The following PCBP3 variants were observed in gnomAD, a reference collection of about 807,000 sequenced individuals.
PCBP3 encodes the protein poly(rC) binding protein 3, also known as poly(rC)-binding protein 3.
Under a neutral mutation model 52.7 loss-of-function variants are expected in PCBP3, and 25 were observed. The ratio of observed to expected loss-of-function variants is 0.47; its 90% CI spans 0.35 to 0.66. PCBP3 has a LOEUF of 0.66. Among genes scored for constraint, PCBP3 ranks in the 30% least tolerant of loss-of-function variants. The pLI, the probability that PCBP3 is intolerant of heterozygous loss-of-function variation, is 0.01. For missense variants in PCBP3, 391 were observed against 490.3 expected (o/e 0.80, Z 1.91); for synonymous variants, 162 against 183.0 (o/e 0.89, Z 0.93).
At position 45,735,419 on chromosome 21, in the gene PCBP3, C is replaced by T. The variant is rs1193994745; in HGVS notation, c.-172C>T. On this transcript the variant is annotated 5_prime_UTR_variant, in exon 3 of 18. It adds an upstream start codon to the 5' untranslated region. Transcript: ENST00000681687. The surrounding 1 kb of genome is among the most constrained non-coding windows in gnomAD (Gnocchi z 4.0). The stretch of plus-strand genomic sequence containing the variant: ...CTGTCTACAAGAGAGAAGCTCCCCA[C>T]GTGGTTCCGTGTAAGTAGTGCTTCT... 1 of 152,104 alleles carries T rather than the reference C, an allele frequency of 6.6e-6. No homozygotes were observed. Among genetic ancestry groups the T allele is most frequent in the Non-Finnish European group, 1.5e-5 (1 of 68,016 alleles). The allele number at this position is 152,104 out of a possible 1,614,324, so 9.4% of individuals were successfully genotyped here.
At chr21:45,874,005 C>T (rs1458765505) in intron 5 of PCBP3, among the ~76,000 whole-genome samples, 1 of 152,254 alleles carries the variant, frequency 6.6e-6, no homozygotes, top group Non-Finnish European at 1.5e-5. Context: ...CCGCCTCAGC[C>T]TGCCTAAGTG....
chr21:45,911,694 C>T (rs903804628), intron 11 of PCBP3, among the ~76,000 whole-genome samples: 10 of 152,152 alleles, frequency 6.6e-5, no homozygotes, highest in African/African-American at 2.4e-4. Flanking sequence ...GAAGAAGCCT[C>T]GCCCCAGATG....
At chr21:45,722,573 T>G (rs1708959270) in intron 2 of PCBP3, among the ~76,000 whole-genome samples, 1 of 152,206 alleles carries the variant, frequency 6.6e-6, no homozygotes, top group Non-Finnish European at 1.5e-5. Context: ...ATAGACAAAT[T>G]TCTTTGACTA....
intron 2 of PCBP3, among the ~76,000 whole-genome samples, chr21:45,726,479 C>G (rs1480175112): frequency 2.6e-5 from 4 of 152,108 alleles, no homozygotes; most frequent in Admixed American, 2.6e-4. Flanking sequence ...CCTGGGTGCT[C>G]ATGCCCCAGA....
At chr21:45,753,127 C>CAAAAAAAAA (rs55924687) in intron 3 of PCBP3, 1 of 44,768 alleles carries the variant, frequency 2.2e-5, no homozygotes, top group African/African-American at 9.5e-5. Flanking sequence ...ACCCCGTCTC[C>CAAAAAAAAA]AAAAAAAAAA....
intron 2 of PCBP3, among the ~76,000 whole-genome samples, chr21:45,687,397 A>T (rs2082216540): frequency 6.6e-6 from 1 of 152,216 alleles, no homozygotes; most frequent in Admixed American, 6.5e-5. Context: ...AAAAAGAAAA[A>T]TCCACTATGA....
rs2093401191 is a variant in PCBP3 at position 45,829,769 on chromosome 21, C to G, written c.-125-20192C>G. 1 of 152,386 alleles carries G rather than the reference C, an allele frequency of 6.6e-6. No homozygotes were observed. The highest frequency in any genetic ancestry group is 1.5e-5 in the Non-Finnish European group (1 of 68,132). The allele number at this position is 152,386 out of a possible 1,614,324, so 9.4% of individuals were successfully genotyped here. On this transcript the variant is annotated intron_variant, in intron 4 of 17. Coordinates refer to ENST00000681687, the MANE Select transcript of PCBP3 (RefSeq NM_001384156.1). This position sits in a 1 kb window ranked among gnomAD's most constrained non-coding sequence, Gnocchi z 5.2. ...CCCAGGCACCCTGCAGGGCCCTCCC[C>G]ACCTGCCCCCCAGGCTCATACATTT...
chr21:45,801,232 G>T (rs963467498), intron 4 of PCBP3, among the ~76,000 whole-genome samples: 2 of 152,196 alleles, frequency 1.3e-5, no homozygotes, highest in Admixed American at 6.5e-5. Context: ...TGTTCTGATG[G>T]CCAGCCTTGT....
chr21:45,741,412 C>T lies in PCBP3; in HGVS notation c.-162+5983C>T, dbSNP rs1400796552. ...GAGTCCTGGAAAGTGGGGAGGAGGG[C>T]GAGGTAGGGGCTCAGGAGAGTCAGT... On this transcript the variant is annotated intron_variant, in intron 3 of 17. Coordinates refer to ENST00000681687, the MANE Select transcript of PCBP3 (RefSeq NM_001384156.1). The surrounding 1 kb of genome is among the most constrained non-coding windows in gnomAD (Gnocchi z 4.5). Among the ~76,000 whole-genome samples, 1 of 152,012 alleles carries T rather than the reference C, an allele frequency of 6.6e-6. No individual in the cohort carries two copies. The highest frequency in any genetic ancestry group is 1.5e-5 in the Non-Finnish European group (1 of 67,984).
chr21:45,800,039 C>G lies in PCBP3; in HGVS notation c.-126+44587C>G, dbSNP rs1182925855. On this transcript the variant is annotated intron_variant, in intron 4 of 17. Transcript: ENST00000681687. The surrounding 1 kb of genome is among the most constrained non-coding windows in gnomAD (Gnocchi z 5.3). ...CCGCGCCCTCTGCCCACAGCTTGTT[C>G]TCTCACTGTGAGAACCACCCAGTGA... is the stretch of plus-strand genomic sequence containing the variant. Among the ~76,000 whole-genome samples, 1 of 152,140 alleles carries G rather than the reference C, an allele frequency of 6.6e-6. No homozygotes were observed. Among genetic ancestry groups the G allele is most frequent in the Admixed American group, 6.5e-5 (1 of 15,282 alleles).
intron 4 of PCBP3, among the ~76,000 whole-genome samples, chr21:45,758,839 G>A (rs1036391619): frequency 1.3e-5 from 2 of 151,946 alleles, no homozygotes; most frequent in African/African-American, 4.8e-5. Context: ...GAAGCATCTG[G>A]TTTCTCACCT....
chr21:45,807,684 C>T (rs943265821), intron 4 of PCBP3, among the ~76,000 whole-genome samples: 10 of 151,840 alleles, frequency 6.6e-5, no homozygotes, highest in African/African-American at 2.4e-4. Flanking sequence ...GAAAAAACTA[C>T]TCTAAATTTC....
chr21:45,690,777 C>T lies in PCBP3; in HGVS notation c.-200+21825C>T, dbSNP rs141415826. 1.3e-3 allele frequency among the ~76,000 whole-genome samples: 201 copies of T among 152,158 alleles called. 2 individuals carry two copies. Among genetic ancestry groups the T allele is most frequent in the African/African-American group, 4.4e-3 (181 of 41,530 alleles). On this transcript the variant is annotated intron_variant, in intron 2 of 17. Coordinates refer to ENST00000681687, the MANE Select transcript of PCBP3 (RefSeq NM_001384156.1). ...AGCACAAGGAGATATTAATATCTAT[C>T]ATTAGTCTTTAGGAAAATAAAAACT... is the stretch of plus-strand genomic sequence containing the variant.
At chr21:45,927,669 G>C (rs1208870100) in intron 13 of PCBP3, among the ~76,000 whole-genome samples, 1 of 151,916 alleles carries the variant, frequency 6.6e-6, no homozygotes, top group Non-Finnish European at 1.5e-5. Context: ...GGAGAAGAGA[G>C]ATTTGTTTGC....
intron 5 of PCBP3, among the ~76,000 whole-genome samples, chr21:45,855,640 G>A (rs1431097316): frequency 1.3e-5 from 2 of 152,336 alleles, no homozygotes; most frequent in South Asian, 2.1e-4. Context: ...GGCTGCCTCC[G>A]TACCCCGCCA....
chr21:45,808,515 C>T (rs888584642), intron 4 of PCBP3, among the ~76,000 whole-genome samples: 3 of 151,988 alleles, frequency 2.0e-5, no homozygotes, highest in Non-Finnish European at 2.9e-5. Flanking sequence ...GTTAGAATGG[C>T]GATCATTAAA....
intron 2 of PCBP3, among the ~76,000 whole-genome samples, chr21:45,671,647 G>C (rs1025862950): frequency 2.0e-5 from 3 of 152,138 alleles, no homozygotes; most frequent in African/African-American, 7.2e-5. Flanking sequence ...ACAGGATTTG[G>C]GCTTTGGTTA....
intron 5 of PCBP3, among the ~76,000 whole-genome samples, chr21:45,888,649 T>G (rs2095579836): frequency 6.6e-6 from 1 of 152,278 alleles, no homozygotes; most frequent in Non-Finnish European, 1.5e-5. Context: ...GCAGCTTCAG[T>G]GCTTTTAGAC....
intron 4 of PCBP3, among the ~76,000 whole-genome samples, chr21:45,820,533 G>A (rs866834908): frequency 1.3e-5 from 2 of 152,340 alleles, no homozygotes; most frequent in Middle Eastern, 3.4e-3. Flanking sequence ...TGCAGTGTGC[G>A]TGGCCTTGAC....
Sources: gnomAD v4.1 joint callset for allele counts (sites outside exome capture counted in the v4.1 genomes callset) on GRCh38, gnomAD v4.1.1 for gene constraint, Gnocchi (gnomAD v3.1) non-coding constraint, MANE v1.5 for transcripts, NCBI Gene and HGNC (gene_info 2026-07-23, HGNC 2026-07-21) for gene names.